The following LSM14A variants were observed in gnomAD, a reference collection of about 807,000 sequenced individuals.
The protein encoded by LSM14A is protein LSM14 homolog A.
A neutral mutation model predicts 52.4 loss-of-function variants in LSM14A; 14 were observed. That is an observed-to-expected ratio of 0.27 (90% CI 0.18 to 0.42). The LOEUF (loss-of-function observed/expected upper bound fraction) is 0.42, where lower values mean the gene tolerates loss of function less well. Among genes scored for constraint, LSM14A ranks in the 10% least tolerant of loss-of-function variants. The probability of loss-of-function intolerance (pLI) is 1.00; values close to 1 mark genes in which losing one functional copy is unlikely to be tolerated. For synonymous variants in LSM14A, 185 were observed against 200.3 expected (o/e 0.92, Z 0.64); for missense variants, 417 against 581.8 (o/e 0.72, Z 2.91).
At chr19:34,197,435 T>C (rs1421342375) in intron 3 of LSM14A, among the ~76,000 whole-genome samples, 1 of 133,222 alleles carries the variant, frequency 7.5e-6, no homozygotes, top group Non-Finnish European at 1.6e-5. Flanking sequence ...CTTTTTCTTT[T>C]TTTTTTTTTT....
chr19:34,184,178 C>G (rs2069715489), intron 1 of LSM14A, among the ~76,000 whole-genome samples: 2 of 151,614 alleles, frequency 1.3e-5, no homozygotes, highest in African/African-American at 4.9e-5. Context: ...ACCTCAGCCT[C>G]CTGAGTAGCT....
At chr19:34,214,548 A>T (rs1295917106) in intron 4 of LSM14A, among the ~76,000 whole-genome samples, 2 of 152,132 alleles carry the variant, frequency 1.3e-5, no homozygotes, top group African/African-American at 4.8e-5. Flanking sequence ...GGCTCAAGCG[A>T]TCCTCCTGCT....
intron 1 of LSM14A, among the ~76,000 whole-genome samples, chr19:34,187,206 G>A (rs1201476866): frequency 6.7e-6 from 1 of 149,634 alleles, no homozygotes; most frequent in East Asian, 2.0e-4. Flanking sequence ...ACGAGATCGC[G>A]CCACTGCACT....
At chr19:34,213,071 G>A (rs1469728325) in intron 4 of LSM14A, among the ~76,000 whole-genome samples, 1 of 151,962 alleles carries the variant, frequency 6.6e-6, no homozygotes, top group African/African-American at 2.4e-5. Flanking sequence ...AGATCATTGG[G>A]TCCCAGGAGT....
At chr19:34,188,541 A>G (rs2070109139) in intron 1 of LSM14A, among the ~76,000 whole-genome samples, 1 of 152,170 alleles carries the variant, frequency 6.6e-6, no homozygotes, top group South Asian at 2.1e-4. Flanking sequence ...TTGTGCAACT[A>G]CCACCTCTCC....
intron 1 of LSM14A, among the ~76,000 whole-genome samples, chr19:34,179,519 C>A (rs1418964239): frequency 4.6e-5 from 7 of 152,038 alleles, no homozygotes; most frequent in Non-Finnish European, 4.4e-5. Flanking sequence ...GTACTTGGAG[C>A]CTTGGAAACA....
chr19:34,176,873 G>A (rs1478487199), intron 1 of LSM14A, among the ~76,000 whole-genome samples: 1 of 152,208 alleles, frequency 6.6e-6, no homozygotes, highest in African/African-American at 2.4e-5. Flanking sequence ...TAGTTGTTTA[G>A]TGGTTTTTAC....
intron 6 of LSM14A, among the ~76,000 whole-genome samples, chr19:34,216,960 T>G (rs574989766): frequency 6.6e-6 from 1 of 152,240 alleles, no homozygotes; most frequent in South Asian, 2.1e-4. Flanking sequence ...AAACGTTTCC[T>G]CATTAAAATT....
At chr19:34,203,534 T>A (rs2071452930) in intron 3 of LSM14A, among the ~76,000 whole-genome samples, 1 of 152,144 alleles carries the variant, frequency 6.6e-6, no homozygotes, top group Admixed American at 6.6e-5. Context: ...GCACAGTGGC[T>A]CACGCCTGTA....
intron 6 of LSM14A, among the ~76,000 whole-genome samples, chr19:34,216,386 C>G (rs2072594176): frequency 6.6e-6 from 1 of 151,124 alleles, no homozygotes. Flanking sequence ...GCACTCCAGC[C>G]TAGGCGACAG....
intron 1 of LSM14A, among the ~76,000 whole-genome samples, chr19:34,174,394 T>A (rs1204953272): frequency 6.6e-6 from 1 of 152,240 alleles, no homozygotes; most frequent in Non-Finnish European, 1.5e-5. Context: ...CTGAAGATCA[T>A]TGAATTATAC....
chr19:34,187,617 G>A (rs564837210), intron 1 of LSM14A, among the ~76,000 whole-genome samples: 1 of 152,188 alleles, frequency 6.6e-6, no homozygotes, highest in Admixed American at 6.5e-5. Flanking sequence ...GTCATTTGGA[G>A]GGTACTAGCT....
In LSM14A at chr19:34,228,494, T is replaced by C. The variant is rs1006479491; in HGVS notation, c.*1106T>C. The C allele has an allele frequency of 1.2e-4, 19 of 152,780 alleles. No homozygotes were observed. Among genetic ancestry groups the C allele is most frequent in the African/African-American group, 4.6e-4 (19 of 41,580 alleles). 9.5% of individuals were successfully genotyped at this position (152,780 alleles called of 1,614,324 possible). On this transcript the variant is annotated 3_prime_UTR_variant, in exon 10 of 10. Transcript: ENST00000544216. ...CATGATACCTTGACTCATTCCATCA[T>C]ATTTCAAGAGGATTCAGAGTGCTAG... is the stretch of plus-strand genomic sequence containing the variant.
At chr19:34,212,379 G>A (rs2145806841) in intron 4 of LSM14A, among the ~76,000 whole-genome samples, 1 of 152,280 alleles carries the variant, frequency 6.6e-6, no homozygotes, top group African/African-American at 2.4e-5. Context: ...AGAGAAGGCT[G>A]TCTGTTCCAA....
chr19:34,200,191 A>C (rs867305798), intron 3 of LSM14A, among the ~76,000 whole-genome samples: 22 of 152,252 alleles, frequency 1.4e-4, no homozygotes, highest in Admixed American at 3.3e-4. Context: ...ACTCTTCAAA[A>C]GATTCAATAT....
chr19:34,191,793 CTT>C (rs918008505), intron 1 of LSM14A, among the ~76,000 whole-genome samples: 31 of 152,250 alleles, frequency 2.0e-4, no homozygotes, highest in African/African-American at 7.2e-4. Flanking sequence ...AAGCATGAGA[CTT>C]TATTTGTTTT....
intron 1 of LSM14A, among the ~76,000 whole-genome samples, chr19:34,181,623 A>G (rs1292845807): frequency 1.3e-5 from 2 of 152,182 alleles, no homozygotes; most frequent in East Asian, 1.9e-4. Context: ...TTACCTCTCA[A>G]TCTCCTTGGC....
At chr19:34,198,802 C>T (rs2071061445) in intron 3 of LSM14A, among the ~76,000 whole-genome samples, 1 of 151,918 alleles carries the variant, frequency 6.6e-6, no homozygotes, top group Non-Finnish European at 1.5e-5. Flanking sequence ...CTGGCTAACA[C>T]GGTGAAACTC....
intron 1 of LSM14A, among the ~76,000 whole-genome samples, chr19:34,180,876 C>T (rs987672380): frequency 6.6e-6 from 1 of 152,184 alleles, no homozygotes; most frequent in African/African-American, 2.4e-5. Flanking sequence ...CTAGCAGTCA[C>T]ACTATACTTC....
Sources: gnomAD v4.1 joint callset for allele counts (sites outside exome capture counted in the v4.1 genomes callset) on GRCh38, gnomAD v4.1.1 for gene constraint, MANE v1.5 for transcripts, NCBI Gene and HGNC (gene_info 2026-07-23, HGNC 2026-07-21) for gene names.